CRMP1: variants seen among roughly 807,000 people sequenced by gnomAD.
The protein encoded by CRMP1 is collapsin response mediator protein 1.
A neutral mutation model predicts 68.3 loss-of-function variants in CRMP1; 19 were observed. That is an observed-to-expected ratio of 0.28 (90% confidence interval 0.19 to 0.41). CRMP1 has a LOEUF of 0.41. Ranked by LOEUF, CRMP1 falls within the 10% of genes least tolerant of loss-of-function variation. The pLI, the probability that CRMP1 is intolerant of heterozygous loss-of-function variation, is 1.00. For missense variants in CRMP1, 791 were observed against 967.4 expected (o/e 0.82, Z 2.42); for synonymous variants, 439 against 399.6 (o/e 1.10, Z -1.18).
chr4:5,840,561 C>A (rs1711646022), intron 8 of CRMP1, among the ~76,000 whole-genome samples: 1 of 152,242 alleles, frequency 6.6e-6, no homozygotes, highest in South Asian at 2.1e-4. Flanking sequence ...GCTGCCCAAC[C>A]AGCAACCACC....
Position 5,877,885 on chromosome 4 carries a change from A to G in CRMP1, c.382-11129T>C, listed in dbSNP as rs1478677287. 6.6e-6 allele frequency among the ~76,000 whole-genome samples: 1 copy of G among 152,208 alleles called. No homozygotes were observed. The highest frequency in any genetic ancestry group is 1.5e-5 in the Non-Finnish European group (1 of 68,036). On this transcript the variant is annotated intron_variant, in intron 1 of 13. Coordinates refer to ENST00000324989, the MANE Select transcript of CRMP1 (RefSeq NM_001014809.3). The surrounding 1 kb of genome is among the most constrained non-coding windows in gnomAD (Gnocchi z 4.3). ...AGCACACCTCTGTCACAACCCTAAGAGTGGGCAGGGCCTGCACGCTGCATA... is the reference window on the plus strand; with the variant it reads ...AGCACACCTCTGTCACAACCCTAAGGGTGGGCAGGGCCTGCACGCTGCATA...
In CRMP1 at chr4:5,860,842, T is replaced by C. The variant is rs558305343; in HGVS notation, c.655+184A>G. On this transcript the variant is annotated intron_variant, in intron 3 of 13. Transcript: ENST00000324989. This position sits in a 1 kb window ranked among gnomAD's most constrained non-coding sequence, Gnocchi z 4.2. ...GTATTGTTTATTAAGCCATCTTCTG[T>C]GGCCCCAGTGGCACACACGGTATGC... Among the ~76,000 whole-genome samples the C allele has an allele frequency of 3.3e-5, 5 of 152,332 alleles. No homozygotes were observed. In the South Asian group the frequency reaches 8.3e-4, roughly 25 times the overall value.
In CRMP1 at chr4:5,850,888, T is replaced by C. The variant is rs776096069; in HGVS notation, c.882+520A>G. 1.1e-4 allele frequency among the ~76,000 whole-genome samples: 17 copies of C among 152,218 alleles called. No individual in the cohort carries two copies. Among genetic ancestry groups the C allele is most frequent in the Non-Finnish European group, 2.1e-4 (14 of 68,040 alleles). On this transcript the variant is annotated intron_variant, in intron 5 of 13. Coordinates refer to ENST00000324989, the MANE Select transcript of CRMP1 (RefSeq NM_001014809.3). This position sits in a 1 kb window ranked among gnomAD's most constrained non-coding sequence, Gnocchi z 4.4. ...GCTCCATATCCCTTGACTTGGTGCA[T>C]GTACATAATAATTGTTTGCTGTTGG...
In CRMP1 at chr4:5,825,483, C is replaced by T. The variant is rs779047277; in HGVS notation, c.1969+11G>A. ...CAATTGTGGGGAGCCTGGGCCACCACTCTTTCCTACCTGATAAGCTGAAGT... is the reference window on the plus strand; with the variant it reads ...CAATTGTGGGGAGCCTGGGCCACCATTCTTTCCTACCTGATAAGCTGAAGT... On this transcript the variant is annotated intron_variant, in intron 13 of 13. Coordinates refer to ENST00000324989, the MANE Select transcript of CRMP1 (RefSeq NM_001014809.3). This position sits in a 1 kb window ranked among gnomAD's most constrained non-coding sequence, Gnocchi z 4.4. 1.9e-6 allele frequency: 3 copies of T among 1,559,852 alleles called. No homozygotes were observed. The highest frequency in any genetic ancestry group is 2.2e-5 in the Admixed American group (1 of 45,672).
At chr4:5,827,970 A>C in intron 12 of CRMP1, 1 of 921,212 alleles carries the variant, frequency 1.1e-6, no homozygotes, top group Admixed American at 6.2e-5. Flanking sequence ...GTTCAAGGAA[A>C]ATAAGGAACG....
At chr4:5,871,975 G>A (rs1278679822) in intron 1 of CRMP1, among the ~76,000 whole-genome samples, 2 of 152,172 alleles carry the variant, frequency 1.3e-5, no homozygotes, top group Admixed American at 1.3e-4. Flanking sequence ...CCACGAACAG[G>A]TGTGACCTCC....
chr4:5,828,001 G>C (rs1305749080), intron 12 of CRMP1: 10 of 977,740 alleles, frequency 1.0e-5, no homozygotes, highest in Admixed American at 6.2e-5. Context: ...AACGTCAAGG[G>C]AGGAAGGAAA....
Position 5,883,679 on chromosome 4 carries a change from C to CACACA in CRMP1, c.381+8909_381+8910insTGTGT, listed in dbSNP as rs750771542. Among the ~76,000 whole-genome samples the CACACA allele has an allele frequency of 6.6e-6, 1 of 151,984 alleles. No individual in the cohort carries two copies. Among genetic ancestry groups the CACACA allele is most frequent in the South Asian group, 2.1e-4 (1 of 4,804 alleles). On this transcript the variant is annotated intron_variant, in intron 1 of 13. Transcript: ENST00000324989. This position sits in a 1 kb window ranked among gnomAD's most constrained non-coding sequence, Gnocchi z 4.5. ...GGACACACACACACACACACACACA[C>CACACA]ATGCTTGCCCACCACACCTGCTGGT...
intron 1 of CRMP1, among the ~76,000 whole-genome samples, chr4:5,868,549 C>A (rs150760010): frequency 0.02 from 2,991 of 152,132 alleles, 56 homozygotes; most frequent in South Asian, 0.047. Flanking sequence ...GATCTGCCTG[C>A]CTTGGCCTCC....
At position 5,865,205 on chromosome 4, in the gene CRMP1, G is replaced by C. The variant is rs569761304; in HGVS notation, c.470+1463C>G. Among the ~76,000 whole-genome samples, 1 of 152,012 alleles carries C rather than the reference G, an allele frequency of 6.6e-6. No individual in the cohort carries two copies. The highest frequency in any genetic ancestry group is 2.1e-4 in the South Asian group (1 of 4,820). On this transcript the variant is annotated intron_variant, in intron 2 of 13. Coordinates refer to ENST00000324989, the MANE Select transcript of CRMP1 (RefSeq NM_001014809.3). This position sits in a 1 kb window ranked among gnomAD's most constrained non-coding sequence, Gnocchi z 4.1. ...TTTCCTTCTTGTGCCAGCCACTCAT[G>C]CTGGATCCTTAAACAGTGTCCTTCT...
intron 11 of CRMP1, among the ~76,000 whole-genome samples, chr4:5,829,890 A>T (rs1237157014): frequency 6.6e-6 from 1 of 152,234 alleles, no homozygotes; most frequent in Non-Finnish European, 1.5e-5. Flanking sequence ...CTAGATGTGG[A>T]GTTGGGGGCC....
At position 5,881,059 on chromosome 4, in the gene CRMP1, A is replaced by G. The variant is rs560225756; in HGVS notation, c.381+11530T>C. ...CCCAGCCCAGGAGGAGGAATCCTTTATAGAGAATGGACACAGCTGATACAA... is the reference window on the plus strand; with the variant it reads ...CCCAGCCCAGGAGGAGGAATCCTTTGTAGAGAATGGACACAGCTGATACAA... On this transcript the variant is annotated intron_variant, in intron 1 of 13. Transcript: ENST00000324989. The surrounding 1 kb of genome is among the most constrained non-coding windows in gnomAD (Gnocchi z 4.6). Among the ~76,000 whole-genome samples the G allele has an allele frequency of 6.6e-6, 1 of 152,360 alleles. No individual in the cohort carries two copies. The highest frequency in any genetic ancestry group is 1.5e-5 in the Non-Finnish European group (1 of 68,024).
At chr4:5,874,762 AGAAAG>A (rs1168635759) in intron 1 of CRMP1, among the ~76,000 whole-genome samples, 2 of 152,212 alleles carry the variant, frequency 1.3e-5, no homozygotes, top group East Asian at 3.8e-4. Flanking sequence ...GGAGGAGGAA[AGAAAG>A]GAGAGAAGAG....
chr4:5,866,789 G>A lies in CRMP1; in HGVS notation c.382-33C>T. On this transcript the variant is annotated intron_variant, in intron 1 of 13. Coordinates refer to ENST00000324989, the MANE Select transcript of CRMP1 (RefSeq NM_001014809.3). This position sits in a 1 kb window ranked among gnomAD's most constrained non-coding sequence, Gnocchi z 5.9. ...GCAAGGCAAAGTATTAAGGATCCTTGGTGAAAAGCCAGGATAAAGTTTTTT... is the reference window on the plus strand; with the variant it reads ...GCAAGGCAAAGTATTAAGGATCCTTAGTGAAAAGCCAGGATAAAGTTTTTT... 2.0e-6 allele frequency: 3 copies of A among 1,480,414 alleles called. No homozygotes were observed. The highest frequency in any genetic ancestry group is 2.8e-6 in the Non-Finnish European group (3 of 1,086,924). 91.7% of individuals were successfully genotyped at this position (1,480,414 alleles called of 1,614,324 possible). A position where few individuals can be genotyped will look rare whatever the true frequency, so the allele number is the denominator to read the frequency against.
Position 5,892,790 on chromosome 4 carries a change from C to A in CRMP1, c.180G>T (p.Ser60=). ...FDAYSVGRRG[S]ARTPRSAGRP... is the part of the protein sequence containing the mutation. ...GGCCAGCGCTGCGCGGCGTGCGCGC[C>A]GAGCCGCGGCGGCCCACACTGTAGG... Residue 60 remains serine (S), a synonymous_variant, in exon 1 of 14, where the codon TCG becomes TCT. Transcript: ENST00000324989. This position sits in a 1 kb window ranked among gnomAD's most constrained non-coding sequence, Gnocchi z 8.6. 7.6e-7 allele frequency: 1 copy of A among 1,316,046 alleles called. No homozygotes were observed. The highest frequency in any genetic ancestry group is 9.7e-7 in the Non-Finnish European group (1 of 1,027,158). The allele number at this position is 1,316,046 out of a possible 1,614,324, so 81.5% of individuals were successfully genotyped here. A position where few individuals can be genotyped will look rare whatever the true frequency, so the allele number is the denominator to read the frequency against.
chr4:5,876,080 G>A (rs1186730005), intron 1 of CRMP1, among the ~76,000 whole-genome samples: 2 of 151,692 alleles, frequency 1.3e-5, no homozygotes, highest in Non-Finnish European at 2.9e-5. Context: ...ATGAGCCCGG[G>A]AGGCAAAGCT....
rs2152478383 is a variant in CRMP1, at chr4:5,892,412, C to A, written c.381+177G>T. On this transcript the variant is annotated intron_variant, in intron 1 of 13. Coordinates refer to ENST00000324989, the MANE Select transcript of CRMP1 (RefSeq NM_001014809.3). This position sits in a 1 kb window ranked among gnomAD's most constrained non-coding sequence, Gnocchi z 8.6. ...CGCCGGCCAGCCCCGACCGAGTCGC[C>A]CCAGCTCTGGGAACCTCTTGCATGA... 6.6e-6 allele frequency among the ~76,000 whole-genome samples: 1 copy of A among 152,258 alleles called. No individual in the cohort carries two copies. The highest frequency in any genetic ancestry group is 2.1e-4 in the South Asian group (1 of 4,820).
chr4:5,834,075 C>G lies in CRMP1; in HGVS notation c.1623+1840G>C, dbSNP rs1303027133. Among the ~76,000 whole-genome samples, 2 of 152,138 alleles carry G rather than the reference C, an allele frequency of 1.3e-5. No individual in the cohort carries two copies. Among genetic ancestry groups the G allele is most frequent in the Admixed American group, 6.5e-5 (1 of 15,278 alleles). On this transcript the variant is annotated intron_variant, in intron 11 of 13. Coordinates refer to ENST00000324989, the MANE Select transcript of CRMP1 (RefSeq NM_001014809.3). The surrounding 1 kb of genome is among the most constrained non-coding windows in gnomAD (Gnocchi z 4.3). ...ACAACAAAAGGAATAGTAAGACAAT[C>G]CCAGCTCAGTCTACTTCCTTCTGGG... is the stretch of plus-strand genomic sequence containing the variant.
chr4:5,822,476 G>A (rs1718790122), intron 13 of CRMP1, among the ~76,000 whole-genome samples: 1 of 146,818 alleles, frequency 6.8e-6, no homozygotes. Flanking sequence ...TCCCTCATTG[G>A]CGATAGGTGG....
Sources: gnomAD v4.1 joint callset for allele counts (sites outside exome capture counted in the v4.1 genomes callset) on GRCh38, gnomAD v4.1.1 for gene constraint, Gnocchi (gnomAD v3.1) non-coding constraint, MANE v1.5 for transcripts, NCBI Gene and HGNC (gene_info 2026-07-23, HGNC 2026-07-21) for gene names.